The following IL15 variants were observed in gnomAD, a reference collection of about 807,000 sequenced individuals.
IL15 encodes interleukin-15.
Under a neutral mutation model 19.6 loss-of-function variants are expected in IL15, and 11 were observed. The observed-to-expected ratio is 0.56, with a 90% CI of 0.35 to 0.93. IL15 has a LOEUF of 0.93. IL15 is among the 40% of genes least tolerant of loss of function. The pLI is 0.01. For synonymous variants in IL15, 58 were observed against 59.6 expected (o/e 0.97, Z 0.12); for missense variants, 197 against 186.5 (o/e 1.06, Z -0.33).
intron 2 of IL15, chr4:141,716,295 G>A (rs929323241): frequency 1.3e-5 from 2 of 152,256 alleles, no homozygotes; most frequent in Non-Finnish European, 2.9e-5. Context: ...ATGGTTTCGG[G>A]TGCCAGGCCC....
intron 2 of IL15, among the ~76,000 whole-genome samples, chr4:141,708,103 T>C (rs1277937685): frequency 6.6e-6 from 1 of 152,138 alleles, no homozygotes; most frequent in Non-Finnish European, 1.5e-5. Context: ...CCAGGCTGGG[T>C]GCAGGCACAT....
At chr4:141,699,652 G>GT (rs1224364630) in intron 2 of IL15, among the ~76,000 whole-genome samples, 2 of 152,024 alleles carry the variant, frequency 1.3e-5, no homozygotes, top group African/African-American at 4.8e-5. Context: ...AGCTACTCTT[G>GT]TTTTTTGTTT....
At chr4:141,699,388 T>C (rs1185884751) in intron 2 of IL15, among the ~76,000 whole-genome samples, 1 of 152,210 alleles carries the variant, frequency 6.6e-6, no homozygotes, top group African/African-American at 2.4e-5. Flanking sequence ...CTTTGTTGAC[T>C]TTCTAACTTC....
intron 2 of IL15, among the ~76,000 whole-genome samples, chr4:141,666,382 G>A (rs1392701146): frequency 1.3e-5 from 2 of 152,112 alleles, no homozygotes; most frequent in African/African-American, 2.4e-5. Context: ...ATAAGACAGG[G>A]TCTCACTCTC....
chr4:141,666,879 T>G (rs1728005693), intron 2 of IL15, among the ~76,000 whole-genome samples: 1 of 152,240 alleles, frequency 6.6e-6, no homozygotes, highest in Non-Finnish European at 1.5e-5. Flanking sequence ...CTTGCTGGGT[T>G]GCCCCACTCA....
chr4:141,639,157 T>C (rs1310558166), intron 1 of IL15, among the ~76,000 whole-genome samples: 1 of 152,172 alleles, frequency 6.6e-6, no homozygotes, highest in Admixed American at 6.5e-5. Flanking sequence ...GAGGAAATTA[T>C]CAAGGTCACA....
rs186585995 is a variant in IL15 at position 141,689,624 on chromosome 4, G to C, written c.-99-29742G>C. Among the ~76,000 whole-genome samples the C allele has an allele frequency of 2.7e-3, 410 of 151,682 alleles. 1 individual carries two copies. The highest frequency in any genetic ancestry group is 4.3e-3 in the Admixed American group (66 of 15,266). ...CTCCAAGGCCCCACCAGAGTAGCTA[G>C]ATAGTGTCGATTGGTGCATTCACAA... On this transcript the variant is annotated intron_variant, in intron 2 of 7. Coordinates refer to ENST00000320650, the MANE Select transcript of IL15 (RefSeq NM_000585.5).
chr4:141,690,747 G>C (rs1579023673), intron 2 of IL15, among the ~76,000 whole-genome samples: 1 of 152,188 alleles, frequency 6.6e-6, no homozygotes, highest in African/African-American at 2.4e-5. Flanking sequence ...AACTTCTCCT[G>C]TCAAGAAAGA....
In IL15 at chr4:141,693,016, C is replaced by CAAAAAAAAAAAAAAAAAAAAAAA. The variant is rs70949131; in HGVS notation, c.-99-26346_-99-26324dup. On this transcript the variant is annotated intron_variant, in intron 2 of 7. Coordinates refer to ENST00000320650, the MANE Select transcript of IL15 (RefSeq NM_000585.5). Reference sequence around the variant, plus strand: ...AGGGGAACAGAGCAAGACTCCGTCTCAAAAAAAAAAAAAAAAAAAAAAAAA... The same window carrying CAAAAAAAAAAAAAAAAAAAAAAA: ...AGGGGAACAGAGCAAGACTCCGTCTCAAAAAAAAAAAAAAAAAAAAAAAAAAAAAAAAAAAAAAAAAAAAAAAA... Among the ~76,000 whole-genome samples, 157 of 23,232 alleles carry CAAAAAAAAAAAAAAAAAAAAAAA rather than the reference C, an allele frequency of 6.8e-3. 41 individuals are homozygous for CAAAAAAAAAAAAAAAAAAAAAAA. The highest frequency in any genetic ancestry group is 7.6e-3 in the Non-Finnish European group (99 of 12,946). The allele number at this position is 23,232 out of a possible 152,430, so 15.2% of individuals were successfully genotyped here.
At chr4:141,687,031 A>G (rs1728735064) in intron 2 of IL15, among the ~76,000 whole-genome samples, 2 of 152,174 alleles carry the variant, frequency 1.3e-5, no homozygotes, top group Admixed American at 1.3e-4. Context: ...TACTTAATTC[A>G]TAACATATTA....
intron 2 of IL15, among the ~76,000 whole-genome samples, chr4:141,670,950 C>T (rs943812010): frequency 6.6e-6 from 1 of 152,126 alleles, no homozygotes; most frequent in African/African-American, 2.4e-5. Context: ...GGTCTGGGCT[C>T]ATGTATGCAT....
At chr4:141,720,824 C>T in intron 4 of IL15, 1 of 549,350 alleles carries the variant, frequency 1.8e-6, no homozygotes, top group East Asian at 3.1e-5. Flanking sequence ...TTTAACTGAA[C>T]TTGGAAGTAT....
At chr4:141,704,326 G>T (rs1729435156) in intron 2 of IL15, among the ~76,000 whole-genome samples, 1 of 152,072 alleles carries the variant, frequency 6.6e-6, no homozygotes, top group Non-Finnish European at 1.5e-5. Flanking sequence ...TCCTGTTAAT[G>T]TGTTGTACCA....
At chr4:141,670,246 T>G (rs765150748) in intron 2 of IL15, among the ~76,000 whole-genome samples, 2 of 152,054 alleles carry the variant, frequency 1.3e-5, no homozygotes, top group Admixed American at 6.6e-5. Context: ...AAAGTAATCT[T>G]TAGTTTATGA....
rs960349270 is a variant in IL15, at chr4:141,658,035, G to A, written c.-100+1728G>A. On this transcript the variant is annotated intron_variant, in intron 2 of 7. Transcript: ENST00000320650. The stretch of plus-strand genomic sequence containing the variant: ...ATGCACTGTGTTACGACATTATGAC[G>A]TCGATGTGGTTTGGATTTGTGTCTC... Among the ~76,000 whole-genome samples the A allele has an allele frequency of 6.6e-5, 10 of 152,128 alleles. 1 individual carries two copies. Among genetic ancestry groups the A allele is most frequent in the Non-Finnish European group, 1.0e-4 (7 of 68,028 alleles).
intron 2 of IL15, chr4:141,715,910 T>G (rs1729867350): frequency 6.6e-6 from 1 of 152,212 alleles, no homozygotes; most frequent in Admixed American, 6.5e-5. Flanking sequence ...ATGTTTACAG[T>G]TATTTTCACA....
At chr4:141,713,441 T>C (rs1021914025) in intron 2 of IL15, among the ~76,000 whole-genome samples, 21 of 152,354 alleles carry the variant, frequency 1.4e-4, no homozygotes, top group African/African-American at 4.8e-4. Context: ...GTGTTGTCTA[T>C]AGCTGCTCTT....
chr4:141,725,302 T>A (rs1730221181), intron 5 of IL15, among the ~76,000 whole-genome samples: 1 of 152,164 alleles, frequency 6.6e-6, no homozygotes, highest in Admixed American at 6.6e-5. Flanking sequence ...TATATCAAAA[T>A]GTGACTGTAT....
At chr4:141,640,949 C>T (rs529041146) in intron 1 of IL15, among the ~76,000 whole-genome samples, 12 of 152,162 alleles carry the variant, frequency 7.9e-5, no homozygotes, top group South Asian at 2.1e-4. Context: ...AGGTTGATGG[C>T]GGTGGTGGTG....
Sources: allele counts gnomAD v4.1 joint callset (sites outside exome capture counted in the v4.1 genomes callset), GRCh38; gene constraint gnomAD v4.1.1; transcripts MANE v1.5; gene names NCBI Gene and HGNC (gene_info 2026-07-23, HGNC 2026-07-21).